The following PSMA1 variants were observed in gnomAD, a reference collection of about 807,000 sequenced individuals.
The protein encoded by PSMA1 is proteasome 20S subunit alpha 1.
Under a neutral mutation model 38.4 loss-of-function variants are expected in PSMA1, and 3 were observed. The observed-to-expected ratio is 0.08, with a 90% CI of 0.04 to 0.20. PSMA1 has a LOEUF of 0.20. Ranked by LOEUF, PSMA1 falls within the 10% of genes least tolerant of loss-of-function variation. PSMA1 has a pLI of 1.00. For synonymous variants in PSMA1, 101 were observed against 107.1 expected (o/e 0.94, Z 0.35); for missense variants, 227 against 325.3 (o/e 0.70, Z 2.32).
chr11:14,627,220 A>G (rs1010679665), intron 1 of PSMA1, among the ~76,000 whole-genome samples: 1 of 152,170 alleles, frequency 6.6e-6, no homozygotes, highest in African/African-American at 2.4e-5. Flanking sequence ...TTTTGAATGA[A>G]CACAGTTTCA....
At chr11:14,535,624 A>G (rs984224855) in intron 2 of PSMA1, among the ~76,000 whole-genome samples, 2 of 151,660 alleles carry the variant, frequency 1.3e-5, no homozygotes, top group Middle Eastern at 3.4e-3. Flanking sequence ...TTGTATTTTT[A>G]GTAGAGACGG....
chr11:14,562,624 G>T (rs564799757), intron 2 of PSMA1, among the ~76,000 whole-genome samples: 187 of 151,772 alleles, frequency 1.2e-3, no homozygotes, highest in South Asian at 6.2e-3. Flanking sequence ...TTCTATTCAT[G>T]AGCATTTTTT....
chr11:14,613,428 A>G (rs1227483545), intron 1 of PSMA1, among the ~76,000 whole-genome samples: 1 of 151,538 alleles, frequency 6.6e-6, no homozygotes, highest in East Asian at 2.0e-4. Flanking sequence ...AATTTTTTGT[A>G]TTTTTAGTAG....
intron 2 of PSMA1, among the ~76,000 whole-genome samples, chr11:14,602,302 T>C (rs1281547224): frequency 2.0e-5 from 3 of 152,186 alleles, no homozygotes; most frequent in East Asian, 3.8e-4. Context: ...CCAAGCTTTT[T>C]GGGAGTAGCA....
At chr11:14,567,502 A>G (rs1026124551) in intron 2 of PSMA1, among the ~76,000 whole-genome samples, 1 of 152,226 alleles carries the variant, frequency 6.6e-6, no homozygotes, top group African/African-American at 2.4e-5. Flanking sequence ...TGAGGGAGGT[A>G]TCATTACTAA....
At chr11:14,621,158 A>C (rs1207479830) in intron 1 of PSMA1, among the ~76,000 whole-genome samples, 1 of 152,226 alleles carries the variant, frequency 6.6e-6, no homozygotes, top group Non-Finnish European at 1.5e-5. Context: ...CATTTTTGTG[A>C]AATGGCTAGT....
chr11:14,572,939 C>T lies in PSMA1; in HGVS notation c.21+38027G>A, dbSNP rs1589996307. Among the ~76,000 whole-genome samples the T allele has an allele frequency of 2.0e-5, 3 of 152,282 alleles. No homozygotes were observed. The East Asian group carries it at 5.8e-4, about 29-fold the overall frequency. On this transcript the variant is annotated intron_variant, in intron 2 of 10. Coordinates refer to the PSMA1 transcript ENST00000418988. ...GAAGAAATGGATAAAATCCTGGACA[C>T]ATACACCCTCTGAAGACTAAACCAG...
intron 2 of PSMA1, among the ~76,000 whole-genome samples, chr11:14,568,195 GA>G (rs1312365006): frequency 6.6e-6 from 1 of 152,158 alleles, no homozygotes; most frequent in Admixed American, 6.5e-5. Context: ...GCAATCTGTG[GA>G]AGAGTGAAGT....
chr11:14,595,610 T>A (rs1292922223), intron 2 of PSMA1, among the ~76,000 whole-genome samples: 1 of 152,168 alleles, frequency 6.6e-6, no homozygotes, highest in Non-Finnish European at 1.5e-5. Context: ...TTCTTGTAAA[T>A]TTGTTTGAGT....
At chr11:14,565,980 A>G (rs1220895373) in intron 2 of PSMA1, among the ~76,000 whole-genome samples, 1 of 152,224 alleles carries the variant, frequency 6.6e-6, no homozygotes, top group Non-Finnish European at 1.5e-5. Flanking sequence ...ATTATCTGAA[A>G]GAAGATTTTT....
At chr11:14,506,097 T>C (rs1851239016) in intron 9 of PSMA1, among the ~76,000 whole-genome samples, 1 of 152,160 alleles carries the variant, frequency 6.6e-6, no homozygotes. Flanking sequence ...CAGCAGGCTA[T>C]CAGAAGATTT....
chr11:14,606,994 T>C (rs1198749105), intron 2 of PSMA1, among the ~76,000 whole-genome samples: 1 of 152,160 alleles, frequency 6.6e-6, no homozygotes, highest in African/African-American at 2.4e-5. Context: ...CTGTAAAATA[T>C]ATGATATAGA....
At chr11:14,549,700 CAA>C (rs369153742) in intron 2 of PSMA1, among the ~76,000 whole-genome samples, 33 of 74,454 alleles carry the variant, frequency 4.4e-4, no homozygotes, top group Admixed American at 8.7e-4. Context: ...GACTCCATCT[CAA>C]AAAAAAAAAA....
intron 2 of PSMA1, among the ~76,000 whole-genome samples, chr11:14,578,254 C>T (rs1389752101): frequency 1.3e-5 from 2 of 152,174 alleles, no homozygotes; most frequent in African/African-American, 4.8e-5. Flanking sequence ...ATCTGGAGTT[C>T]TGGTCAAGTT....
At chr11:14,612,488 T>C (rs1319962850) in intron 1 of PSMA1, among the ~76,000 whole-genome samples, 2 of 152,096 alleles carry the variant, frequency 1.3e-5, no homozygotes, top group African/African-American at 4.8e-5. Flanking sequence ...AATTATCATA[T>C]AAGCAGTTTA....
intron 2 of PSMA1, among the ~76,000 whole-genome samples, chr11:14,542,520 A>T (rs1565040731): frequency 6.6e-6 from 1 of 152,186 alleles, no homozygotes; most frequent in Non-Finnish European, 1.5e-5. Context: ...ACCCCCTAAA[A>T]CATTTCACAA....
At chr11:14,558,575 C>A (rs1851968914) in intron 2 of PSMA1, among the ~76,000 whole-genome samples, 1 of 152,212 alleles carries the variant, frequency 6.6e-6, no homozygotes, top group Admixed American at 6.5e-5. Flanking sequence ...AGAAGCAAGG[C>A]TATAAATGGG....
At chr11:14,610,357 CG>C (rs202152026) in intron 2 of PSMA1, among the ~76,000 whole-genome samples, 4 of 298 alleles carry the variant, frequency 0.013, no homozygotes, top group Admixed American at 0.028. Context: ...ACACAGCCTC[CG>C]AAGATGTCTT....
chr11:14,631,170 T>C (rs1408328565), intron 1 of PSMA1, among the ~76,000 whole-genome samples: 1 of 152,104 alleles, frequency 6.6e-6, no homozygotes, highest in African/African-American at 2.4e-5. Context: ...TTTCCTTCAG[T>C]TCTGCTCTGA....
Sources: gnomAD v4.1 joint callset for allele counts (sites outside exome capture counted in the v4.1 genomes callset) on GRCh38, gnomAD v4.1.1 for gene constraint, MANE v1.5 for transcripts, NCBI Gene and HGNC (gene_info 2026-07-23, HGNC 2026-07-21) for gene names.